Variants in FAM76A observed in about 807,000 individuals in gnomAD.
FAM76A encodes protein FAM76A.
A neutral mutation model predicts 46.2 loss-of-function variants in FAM76A; 32 were observed. The ratio of observed to expected loss-of-function variants is 0.69; its 90% confidence interval spans 0.52 to 0.93. The LOEUF (loss-of-function observed/expected upper bound fraction) is 0.93, where lower values mean the gene tolerates loss of function less well. Among genes scored for constraint, FAM76A ranks in the 40% least tolerant of loss-of-function variants. FAM76A has a pLI of 0.00. For missense variants in FAM76A, 274 were observed against 361.5 expected (o/e 0.76, Z 1.96); for synonymous variants, 137 against 127.0 (o/e 1.08, Z -0.53).
At chr1:27,729,356 C>T (rs1324469861) in intron 2 of FAM76A, among the ~76,000 whole-genome samples, 2 of 151,866 alleles carry the variant, frequency 1.3e-5, no homozygotes, top group Admixed American at 6.6e-5. Context: ...CAGGGGTGCA[C>T]ACCACCACAC....
In FAM76A at chr1:27,762,562, G is replaced by GATAC. The variant is rs1166827022; in HGVS notation, c.*1983_*1986dup. The GATAC allele has an allele frequency of 3.3e-5, 5 of 152,098 alleles. No homozygotes were observed. The highest frequency in any genetic ancestry group is 1.2e-4 in the African/African-American group (5 of 41,406). The allele number at this position is 152,098 out of a possible 1,614,324, so 9.4% of individuals were successfully genotyped here. A position where few individuals can be genotyped will look rare whatever the true frequency, so the allele number is the denominator to read the frequency against. On this transcript the variant is annotated 3_prime_UTR_variant, in exon 9 of 9. Coordinates refer to ENST00000373954, the MANE Select transcript of FAM76A (RefSeq NM_152660.3). The stretch of plus-strand genomic sequence containing the variant: ...AAATGGTGGTTTCCTTCTGATAAGG[G>GATAC]ATACAGTGGACCATGTCGCTTATAT...
rs1348791622 is a variant in FAM76A, at chr1:27,763,080, G to A, written c.*2499G>A. 1.3e-5 allele frequency: 2 copies of A among 152,132 alleles called. No individual in the cohort carries two copies. The highest frequency in any genetic ancestry group is 2.9e-5 in the Non-Finnish European group (2 of 68,018). 9.4% of individuals were successfully genotyped at this position (152,132 alleles called of 1,614,324 possible). On this transcript the variant is annotated 3_prime_UTR_variant, in exon 9 of 9. Coordinates refer to ENST00000373954, the MANE Select transcript of FAM76A (RefSeq NM_152660.3). ...GAATGTTTTGGTTTGTACAGACTTTGACAAATGTGTGTTAATAAAAATTCA... is the reference window on the plus strand; with the variant it reads ...GAATGTTTTGGTTTGTACAGACTTTAACAAATGTGTGTTAATAAAAATTCA...
intron 4 of FAM76A, among the ~76,000 whole-genome samples, chr1:27,741,239 C>G (rs1268166960): frequency 7.5e-6 from 1 of 133,908 alleles, no homozygotes; most frequent in Non-Finnish European, 1.5e-5. Context: ...ACTCTGTCAT[C>G]CAGGCTGGAG....
chr1:27,737,195 C>T (rs576518699), intron 4 of FAM76A, among the ~76,000 whole-genome samples: 5 of 152,106 alleles, frequency 3.3e-5, no homozygotes, highest in African/African-American at 1.2e-4. Context: ...GTGATCTACC[C>T]GCCTCAGCCT....
At position 27,736,210 on chromosome 1, in the gene FAM76A, T is replaced by C. The variant is rs1475436034; in HGVS notation, c.354+2027T>C. 2.0e-5 allele frequency among the ~76,000 whole-genome samples: 3 copies of C among 152,024 alleles called. No individual in the cohort carries two copies. The East Asian group carries it at 5.8e-4, about 29-fold the overall frequency. Reference sequence around the variant, plus strand: ...GGTGGCGCACACCTGTAATCCCAGCTACTTGGGAGGCTGAAGCAGGAGAAT... The same window carrying C: ...GGTGGCGCACACCTGTAATCCCAGCCACTTGGGAGGCTGAAGCAGGAGAAT... On this transcript the variant is annotated intron_variant, in intron 4 of 8. Coordinates refer to ENST00000373954, the MANE Select transcript of FAM76A (RefSeq NM_152660.3).
chr1:27,726,332 G>A (rs1488712133), intron 1 of FAM76A, among the ~76,000 whole-genome samples, 171 bp downstream of exon 1: 11 of 151,972 alleles, frequency 7.2e-5, no homozygotes. Flanking sequence ...TGCGGGAGCC[G>A]GGACCCGGTC....
chr1:27,760,284 TGAGG>T, intron 8 of FAM76A: 1 of 430,860 alleles, frequency 2.3e-6, no homozygotes, highest in Non-Finnish European at 4.4e-6. Context: ...CCCAAGAGAT[TGAGG>T]TACACTGATT....
intron 4 of FAM76A, among the ~76,000 whole-genome samples, chr1:27,735,674 C>T (rs1482729164): frequency 1.3e-5 from 2 of 152,186 alleles, no homozygotes; most frequent in Admixed American, 6.6e-5. Context: ...GTCCCCCAAA[C>T]CTGGGTCCCA....
chr1:27,752,325 T>C (rs543446081), intron 6 of FAM76A, among the ~76,000 whole-genome samples: 1 of 152,330 alleles, frequency 6.6e-6, no homozygotes, highest in South Asian at 2.1e-4. Context: ...TAGTCTTTTT[T>C]TTCTAAGTAT....
At chr1:27,744,388 A>G (rs188481549) in intron 4 of FAM76A, among the ~76,000 whole-genome samples, 113 of 152,236 alleles carry the variant, frequency 7.4e-4, no homozygotes, top group Non-Finnish European at 1.4e-3. Context: ...TGGCCTCCCA[A>G]AGTGCTGGGA....
intron 3 of FAM76A, among the ~76,000 whole-genome samples, 198 bp from the exon 4 acceptor site, chr1:27,733,814 CACTCCAGCCTGGGCAACAG>C (rs1054223531): frequency 2.0e-5 from 3 of 152,052 alleles, no homozygotes; most frequent in African/African-American, 7.2e-5. Context: ...TGCGCCACTG[CACTCCAGCCTGGGCAACAG>C]AGCGAGACTC....
rs200030203 is a variant in FAM76A at position 27,744,827 on chromosome 1, A to G, written c.512+16A>G. On this transcript the variant is annotated intron_variant, in intron 5 of 8. Transcript: ENST00000373954. ...ATTATAACAGGTAACCTCAAGACAC[A>G]TGAGATGGGACTAGAAGTGCTGGTA... 7.9e-5 allele frequency: 128 copies of G among 1,610,942 alleles called. 1 individual carries two copies. Among genetic ancestry groups the G allele is most frequent in the Non-Finnish European group, 1.0e-4 (119 of 1,177,686 alleles).
At chr1:27,749,532 A>G (rs903274802) in intron 6 of FAM76A, among the ~76,000 whole-genome samples, 22 of 152,210 alleles carry the variant, frequency 1.4e-4, no homozygotes, top group African/African-American at 5.3e-4. Flanking sequence ...TGTCCAGCTA[A>G]TTTTTGTACA....
At chr1:27,741,254 A>AGT (rs1192746392) in intron 4 of FAM76A, among the ~76,000 whole-genome samples, 1 of 148,090 alleles carries the variant, frequency 6.8e-6, no homozygotes, top group African/African-American at 2.6e-5. Context: ...CTGGAGTACA[A>AGT]GTAGTACAAT....
At position 27,753,629 on chromosome 1, in the gene FAM76A, G is replaced by A. The variant is rs182524489; in HGVS notation, c.600-1566G>A. The stretch of plus-strand genomic sequence containing the variant: ...CTCATATGCTTCATGTAAACTGAGA[G>A]GAGGGTAGGAATATTCTTGTCGATT... On this transcript the variant is annotated intron_variant, in intron 6 of 8. Coordinates refer to ENST00000373954, the MANE Select transcript of FAM76A (RefSeq NM_152660.3). 2.6e-5 allele frequency among the ~76,000 whole-genome samples: 4 copies of A among 152,334 alleles called. No individual in the cohort carries two copies. The East Asian group carries it at 7.7e-4, about 29-fold the overall frequency.
intron 5 of FAM76A, among the ~76,000 whole-genome samples, chr1:27,745,552 A>G (rs1011313375): frequency 3.3e-5 from 5 of 152,228 alleles, no homozygotes; most frequent in African/African-American, 4.8e-5. Context: ...GAAGAGCTGA[A>G]TACAAGTCAT....
At chr1:27,751,392 T>G (rs1402280771) in intron 6 of FAM76A, among the ~76,000 whole-genome samples, 3 of 151,844 alleles carry the variant, frequency 2.0e-5, no homozygotes, top group Non-Finnish European at 4.4e-5. Context: ...TTGTTGTGGG[T>G]TTTTTTTCCC....
chr1:27,736,019 G>A (rs1353896380), intron 4 of FAM76A, among the ~76,000 whole-genome samples: 1 of 152,040 alleles, frequency 6.6e-6, no homozygotes, highest in Non-Finnish European at 1.5e-5. Context: ...CTAAATTTAG[G>A]GATTAAGAGT....
At chr1:27,732,209 C>T (rs960908780) in intron 2 of FAM76A, among the ~76,000 whole-genome samples, 1 of 152,142 alleles carries the variant, frequency 6.6e-6, no homozygotes, top group Non-Finnish European at 1.5e-5. Context: ...GCAGATGGAT[C>T]GCTTGAGGTC....
Sources: gnomAD v4.1 joint callset for allele counts (sites outside exome capture counted in the v4.1 genomes callset) on GRCh38, gnomAD v4.1.1 for gene constraint, MANE v1.5 for transcripts, NCBI Gene and HGNC (gene_info 2026-07-23, HGNC 2026-07-21) for gene names.